IQANK1: variants seen among roughly 807,000 people sequenced by gnomAD.
IQANK1 encodes the protein IQ motif and ankyrin repeat domain-containing protein 1.
In IQANK1, 30 loss-of-function variants were observed where a neutral mutation model predicts 22.6. The observed-to-expected ratio is 1.33, with a 90% CI of 0.99 to 1.80. The LOEUF (loss-of-function observed/expected upper bound fraction) is 1.80. Ranked by LOEUF, IQANK1 falls within the 40% of genes most tolerant of loss-of-function variation. The pLI is 0.00. For missense variants in IQANK1, 275 were observed against 235.2 expected (o/e 1.17, Z -1.11); for synonymous variants, 122 against 99.6 (o/e 1.23, Z -1.34).
intron 3 of IQANK1, chr8:143,745,803 C>G (rs1463729064): frequency 1.3e-5 from 2 of 152,154 alleles, no homozygotes; most frequent in Non-Finnish European, 2.9e-5. Context: ...GTGATCATGC[C>G]TCAGTGCAGC....
chr8:143,766,433 G>A (rs1819481985), intron 3 of IQANK1, among the ~76,000 whole-genome samples: 1 of 152,108 alleles, frequency 6.6e-6, no homozygotes, highest in African/African-American at 2.4e-5. Context: ...CACTTTGGGA[G>A]GCTGAGGTGG....
At chr8:143,784,432 A>G (rs1406061810) in intron 7 of IQANK1, among the ~76,000 whole-genome samples, 2 of 152,166 alleles carry the variant, frequency 1.3e-5, no homozygotes, top group Non-Finnish European at 2.9e-5. Flanking sequence ...ATCCCTAGCC[A>G]TACTTCCTGT....
At chr8:143,762,850 A>G (rs1453383189) in intron 3 of IQANK1, among the ~76,000 whole-genome samples, 2 of 152,154 alleles carry the variant, frequency 1.3e-5, no homozygotes, top group Non-Finnish European at 2.9e-5. Context: ...GAAGTCTCAG[A>G]CTGTGCAATT....
rs1563765024 is a variant in IQANK1, at chr8:143,735,800, T to G, written c.-4-50T>G. ...TTCCCCACTGCCACTGCCCCTGCCC[T>G]CTGCCACTCTGAGCACCCTCTCCCT... is the stretch of plus-strand genomic sequence containing the variant. On this transcript the variant is annotated intron_variant, in intron 1 of 13. Coordinates refer to ENST00000527139, the MANE Select transcript of IQANK1 (RefSeq NM_001381874.1). This position sits in a 1 kb window ranked among gnomAD's most constrained non-coding sequence, Gnocchi z 5.2. 7.1e-6 allele frequency: 5 copies of G among 701,066 alleles called. No homozygotes were observed. Among genetic ancestry groups the G allele is most frequent in the Non-Finnish European group, 2.6e-6 (1 of 384,044 alleles). 43.4% of individuals were successfully genotyped at this position (701,066 alleles called of 1,614,324 possible). A position where few individuals can be genotyped will look rare whatever the true frequency, so the allele number is the denominator to read the frequency against.
At position 143,771,862 on chromosome 8, in the gene IQANK1, A is replaced by C. The variant is rs1406570092; in HGVS notation, c.368A>C (p.Glu123Ala). ...GCGCGGCGGCTGCGCGAGCAGGAGG[A>C]GGCGGCGCAGCGGGAGCGGCGGGAG... ...EAARRLREQE[E>A]AAQRERREEL... The change falls in exon 5 of 14, where the codon GAG (glutamate) becomes GCG (alanine). Residue 123 changes from glutamate (E) to alanine (A), a missense_variant. Physicochemically the swap from Glu to Ala is moderately radical, Grantham distance 107. Coordinates refer to ENST00000527139, the MANE Select transcript of IQANK1 (RefSeq NM_001381874.1). This position sits in a 1 kb window ranked among gnomAD's most constrained non-coding sequence, Gnocchi z 6.0. 1.0e-5 allele frequency: 4 copies of C among 392,036 alleles called. No homozygotes were observed. The highest frequency in any genetic ancestry group is 7.2e-5 in the East Asian group (2 of 27,644). The allele number at this position is 392,036 out of a possible 1,614,324, so 24.3% of individuals were successfully genotyped here. A position where few individuals can be genotyped will look rare whatever the true frequency, so the allele number is the denominator to read the frequency against.
At chr8:143,759,623 G>A (rs1467082814) in intron 3 of IQANK1, 5 of 152,320 alleles carry the variant, frequency 3.3e-5, no homozygotes, top group Admixed American at 3.3e-4. Context: ...AGTTGGAATA[G>A]CCACCTGCTG....
At position 143,747,802 on chromosome 8, in the gene IQANK1, A is replaced by G. The variant is rs535970020; in HGVS notation, c.175+7854A>G. On this transcript the variant is annotated intron_variant, in intron 3 of 13. Coordinates refer to ENST00000527139, the MANE Select transcript of IQANK1 (RefSeq NM_001381874.1). ...TGAGAGTTAATTTGTGGCCTAACATATGGTCTACCCTTGAAAATATCCCAT... is the reference window on the plus strand; with the variant it reads ...TGAGAGTTAATTTGTGGCCTAACATGTGGTCTACCCTTGAAAATATCCCAT... 3.1e-4 allele frequency among the ~76,000 whole-genome samples: 47 copies of G among 152,220 alleles called. 1 individual carries two copies. The East Asian group carries it at 7.3e-3, about 24-fold the overall frequency.
intron 3 of IQANK1, among the ~76,000 whole-genome samples, chr8:143,757,876 A>G (rs1554628580): frequency 6.6e-6 from 1 of 152,126 alleles, no homozygotes; most frequent in Admixed American, 6.5e-5. Context: ...CTTCACTGAC[A>G]TTGTAGGACC....
chr8:143,745,428 T>A (rs1554627112), intron 3 of IQANK1: 1 of 152,362 alleles, frequency 6.6e-6, no homozygotes, highest in African/African-American at 2.4e-5. Context: ...TTCTTCCTTT[T>A]TTTTTTCTTT....
rs574181627 is a variant in IQANK1 at position 143,753,597 on chromosome 8, G to A, written c.175+13649G>A. Reference sequence around the variant, plus strand: ...ACCTCCCAAGTAGCTGAGATTACAGGTACCCTCCACCATACCTGGCTAATT... The same window carrying A: ...ACCTCCCAAGTAGCTGAGATTACAGATACCCTCCACCATACCTGGCTAATT... On this transcript the variant is annotated intron_variant, in intron 3 of 13. Coordinates refer to ENST00000527139, the MANE Select transcript of IQANK1 (RefSeq NM_001381874.1). Among the ~76,000 whole-genome samples the A allele has an allele frequency of 2.0e-5, 3 of 151,938 alleles. No homozygotes were observed. In the East Asian group the frequency reaches 5.8e-4, roughly 29 times the overall value.
rs1263291752 is a variant in IQANK1, at chr8:143,789,697, C to T, written c.1087-64C>T. ...GGGTGGGGTGGGGAGGAAGCTCGGG[C>T]AGCTGCCCTCTCCAGCCAGAGCATG... On this transcript the variant is annotated intron_variant, in intron 10 of 13. Transcript: ENST00000527139. 4.1e-6 allele frequency: 5 copies of T among 1,219,500 alleles called. No homozygotes were observed. In the East Asian group the frequency reaches 1.6e-4, roughly 39 times the overall value. 75.5% of individuals were successfully genotyped at this position (1,219,500 alleles called of 1,614,324 possible). A position where few individuals can be genotyped will look rare whatever the true frequency, so the allele number is the denominator to read the frequency against.
chr8:143,778,592 A>G (rs1184778671), intron 7 of IQANK1, among the ~76,000 whole-genome samples: 4 of 152,242 alleles, frequency 2.6e-5, no homozygotes, highest in African/African-American at 9.6e-5. Flanking sequence ...CCCATAATTG[A>G]TGAGACAAGT....
intron 3 of IQANK1, chr8:143,744,402 T>C (rs1413044781): frequency 6.6e-6 from 1 of 152,396 alleles, no homozygotes; most frequent in Non-Finnish European, 1.5e-5. Context: ...CCGGTGAAGA[T>C]GAACTGCTTC....
At chr8:143,746,313 C>A (rs1819032529) in intron 3 of IQANK1, 2 of 152,208 alleles carry the variant, frequency 1.3e-5, no homozygotes, top group Admixed American at 1.3e-4. Context: ...TGATCTATAT[C>A]AGGCTGAATA....
At chr8:143,789,724 G>A (rs1819983303) in intron 10 of IQANK1, 37 bp from the exon 11 acceptor site, 4 of 1,229,402 alleles carry the variant, frequency 3.3e-6, no homozygotes, top group South Asian at 8.2e-5. Context: ...CAGAGCATGG[G>A]GCAGGGCAAG....
chr8:143,747,918 C>CTTTCA (rs2129813319), intron 3 of IQANK1, among the ~76,000 whole-genome samples: 1 of 68,254 alleles, frequency 1.5e-5, no homozygotes, highest in African/African-American at 6.8e-5. Flanking sequence ...AAGTCCTTTC[C>CTTTCA]TTTCCTTTCC....
chr8:143,734,350 CCACA>C (rs1554625303), intron 1 of IQANK1, 131 bp downstream of exon 1: 1 of 152,054 alleles, frequency 6.6e-6, no homozygotes, highest in African/African-American at 2.4e-5. Flanking sequence ...AGGACCCCGC[CCACA>C]CAGAGGACCC....
chr8:143,787,657 C>A (rs552519518), intron 7 of IQANK1, among the ~76,000 whole-genome samples: 20 of 152,296 alleles, frequency 1.3e-4, no homozygotes, highest in African/African-American at 4.8e-4. Context: ...GGAACTCATC[C>A]TGCCCCCGCT....
In IQANK1 at chr8:143,789,178, C is replaced by G. The variant is rs1338499706; in HGVS notation, c.939-11C>G. On this transcript the variant is annotated splice_polypyrimidine_tract_variant and intron_variant, in intron 8 of 13. Transcript: ENST00000527139. ...CGGAAGCCTCTGTCCCAGCTCATTC[C>G]TGCTCCTTAGTATGACCCTCAAGGT... The G allele has an allele frequency of 2.5e-6, 1 of 399,842 alleles. No homozygotes were observed. The highest frequency in any genetic ancestry group is 3.6e-5 in the East Asian group (1 of 28,084). 24.8% of individuals were successfully genotyped at this position (399,842 alleles called of 1,614,324 possible). A position where few individuals can be genotyped will look rare whatever the true frequency, so the allele number is the denominator to read the frequency against.
Sources: gnomAD v4.1 joint callset for allele counts (sites outside exome capture counted in the v4.1 genomes callset) on GRCh38, gnomAD v4.1.1 for gene constraint, Gnocchi (gnomAD v3.1) non-coding constraint, MANE v1.5 for transcripts, NCBI Gene and HGNC (gene_info 2026-07-23, HGNC 2026-07-21) for gene names.